CCDC107: variants seen among roughly 807,000 people sequenced by gnomAD.
CCDC107 encodes coiled-coil domain-containing protein 107.
A neutral mutation model predicts 17.9 loss-of-function variants in CCDC107; 17 were observed. That is an observed-to-expected ratio of 0.95 (90% CI 0.65 to 1.42). The LOEUF is 1.42. Among genes scored for constraint, CCDC107 ranks in the 40% most tolerant of loss-of-function variants. CCDC107 has a pLI of 0.00. For missense variants in CCDC107, 388 were observed against 360.1 expected (o/e 1.08, Z -0.63); for synonymous variants, 170 against 157.2 (o/e 1.08, Z -0.61).
chr9:35,661,438 C>A lies in CCDC107; in HGVS notation c.*251C>A. ...CAAAACTGAGACAGAAGGGTCTTTC[C>A]CAAAAAAAAGAAAAAAAACTTTACT... On this transcript the variant is annotated 3_prime_UTR_variant, in exon 5 of 5. Transcript: ENST00000426546. 6.7e-6 allele frequency: 3 copies of A among 448,668 alleles called. No homozygotes were observed. The highest frequency in any genetic ancestry group is 6.0e-5 in the South Asian group (1 of 16,614). The allele number at this position is 448,668 out of a possible 1,614,324, so 27.8% of individuals were successfully genotyped here.
At position 35,658,718 on chromosome 9, in the gene CCDC107, G is replaced by A. The variant is rs930516723; in HGVS notation, c.249G>A (p.Lys83=). 2.4e-5 allele frequency: 36 copies of A among 1,517,694 alleles called. No individual in the cohort carries two copies. Among genetic ancestry groups the A allele is most frequent in the Middle Eastern group, 2.1e-4 (1 of 4,732 alleles). 94.0% of individuals were successfully genotyped at this position (1,517,694 alleles called of 1,614,324 possible). A position where few individuals can be genotyped will look rare whatever the true frequency, so the allele number is the denominator to read the frequency against. ...TAAVAAFVLY[K]CLQGKDETAV... is the part of the protein sequence containing the mutation. ...CCGTCGCGGCTTTTGTGCTGTACAA[G>A]TGTTTGCAGGTACGGGGCGGCCGGG... The change falls in exon 2 of 5, where the codon AAG becomes AAA. Residue 83 remains lysine (K), a synonymous_variant. Coordinates refer to ENST00000426546, the MANE Select transcript of CCDC107 (RefSeq NM_174923.3).
rs781163461 is a variant in CCDC107 at position 35,661,175 on chromosome 9, T to G, written c.840T>G (p.Ser280Arg). 7 of 1,597,382 alleles carry G rather than the reference T, an allele frequency of 4.4e-6. No homozygotes were observed. The highest frequency in any genetic ancestry group is 6.0e-6 in the Non-Finnish European group (7 of 1,170,298). ...GTTAEGRLKQ[S>R]LFS is the part of the protein sequence containing the mutation. Reference sequence around the variant, plus strand: ...CAGCTGAAGGTCGACTAAAACAAAGTCTGTTTTCATGATGGAGTGCTCCTG... The same window carrying G: ...CAGCTGAAGGTCGACTAAAACAAAGGCTGTTTTCATGATGGAGTGCTCCTG... The change falls in exon 5 of 5, where the codon AGT becomes AGG. Residue 280 changes from serine (S) to arginine (R), a missense_variant. Coordinates refer to ENST00000426546, the MANE Select transcript of CCDC107 (RefSeq NM_174923.3).
chr9:35,660,413 A>C lies in CCDC107; in HGVS notation c.271A>C (p.Thr91Pro). Residue 91 changes from threonine to proline, a missense_variant, in exon 3 of 5, where the codon ACT becomes CCT. Thr to Pro is a conservative substitution (Grantham distance 38, BLOSUM62 -1). Coordinates refer to ENST00000426546, the MANE Select transcript of CCDC107 (RefSeq NM_174923.3). ...TCTTCCACAACAGGGGAAAGATGAA[A>C]CTGCGGTTCTCCACGAGGAGGCAAG... ...LYKCLQGKDE[T>P]AVLHEEASKQ... The C allele has an allele frequency of 1.9e-6, 3 of 1,605,208 alleles. No homozygotes were observed. Among genetic ancestry groups the C allele is most frequent in the Non-Finnish European group, 2.6e-6 (3 of 1,175,796 alleles).
rs1823673444 is a variant in CCDC107 at position 35,658,310 on chromosome 9, G to C, written c.-70G>C. 3.2e-6 allele frequency: 4 copies of C among 1,265,208 alleles called. No homozygotes were observed. Among genetic ancestry groups the C allele is most frequent in the South Asian group, 4.9e-5 (2 of 41,046 alleles). 78.4% of individuals were successfully genotyped at this position (1,265,208 alleles called of 1,614,324 possible). A position where few individuals can be genotyped will look rare whatever the true frequency, so the allele number is the denominator to read the frequency against. On this transcript the variant is annotated 5_prime_UTR_variant, in exon 1 of 5. Transcript: ENST00000426546. ...CCGGCCTGCTCGCGTGCGCGTGCGC[G>C]TTGGGGCGGCCGGCCAATGCCGGAC...
rs775608672 is a variant in CCDC107, at chr9:35,661,213, A to AT, written c.*27dup. 2.6e-6 allele frequency: 4 copies of AT among 1,549,400 alleles called. No individual in the cohort carries two copies. In the African/African-American group the frequency reaches 5.5e-5, roughly 21 times the overall value. On this transcript the variant is annotated 3_prime_UTR_variant, in exon 5 of 5. Transcript: ENST00000426546. ...TGGAGTGCTCCTGTGTGTTTTTTCG[A>AT]TCCTAGTTGGTTGTACACACCCATA...
chr9:35,660,658 C>CA lies in CCDC107; in HGVS notation c.410+13dup. Reference sequence around the variant, plus strand: ...CCCCCTTTTTGAGCGGTGAGGAGAGCAATGATTCTGTGAATTTTTGGGGAA... The same window carrying CA: ...CCCCCTTTTTGAGCGGTGAGGAGAGCAAATGATTCTGTGAATTTTTGGGGAA... On this transcript the variant is annotated intron_variant, in intron 4 of 4. Coordinates refer to ENST00000426546, the MANE Select transcript of CCDC107 (RefSeq NM_174923.3). The CA allele has an allele frequency of 6.2e-7, 1 of 1,614,066 alleles. No homozygotes were observed. Among genetic ancestry groups the CA allele is most frequent in the Non-Finnish European group, 8.5e-7 (1 of 1,179,952 alleles).
chr9:35,658,767 G>T, intron 2 of CCDC107, 40 bp downstream of exon 2: 1 of 1,319,730 alleles, frequency 7.6e-7, no homozygotes, highest in African/African-American at 1.5e-5. Flanking sequence ...CTGCAGGTGC[G>T]GGACCGCCGG....
chr9:35,661,351 C>T lies in CCDC107; in HGVS notation c.*164C>T, dbSNP rs1363155362. 3.7e-6 allele frequency: 2 copies of T among 545,560 alleles called. No homozygotes were observed. The highest frequency in any genetic ancestry group is 6.4e-6 in the Non-Finnish European group (2 of 314,718). The allele number at this position is 545,560 out of a possible 1,614,324, so 33.8% of individuals were successfully genotyped here. The stretch of plus-strand genomic sequence containing the variant: ...GATAGAGGGAGCTCCAGCTCTTTTC[C>T]TCGTATTCCTGAGGCCACCAGCATG... On this transcript the variant is annotated 3_prime_UTR_variant, in exon 5 of 5. Transcript: ENST00000426546.
rs561565130 is a variant in CCDC107 at position 35,658,415 on chromosome 9, G to A, written c.36G>A (p.Gly12=). The part of the protein sequence containing the change: ...AGAVSLLGVV[G]LLLVSALSGV... ...CAGTTTCGCTCTTGGGTGTGGTGGG[G>A]CTGCTGCTTGTGTCTGCGCTGTCCG... The change falls in exon 1 of 5, where the codon GGG becomes GGA. Residue 12 remains glycine (G), a synonymous_variant. Coordinates refer to ENST00000426546, the MANE Select transcript of CCDC107 (RefSeq NM_174923.3). The A allele has an allele frequency of 8.3e-6, 12 of 1,447,978 alleles. No homozygotes were observed. In the East Asian group the frequency reaches 3.2e-4, roughly 39 times the overall value. The allele number at this position is 1,447,978 out of a possible 1,614,324, so 89.7% of individuals were successfully genotyped here. A position where few individuals can be genotyped will look rare whatever the true frequency, so the allele number is the denominator to read the frequency against.
In CCDC107 at chr9:35,658,710, C is replaced by G; in HGVS notation, c.241C>G (p.Leu81Val). Residue 81 changes from leucine to valine, a missense_variant, in exon 2 of 5, where the codon CTG becomes GTG. Coordinates refer to ENST00000426546, the MANE Select transcript of CCDC107 (RefSeq NM_174923.3). Reference sequence around the variant, plus strand: ...CACCGCGGCCGTCGCGGCTTTTGTGCTGTACAAGTGTTTGCAGGTACGGGG... The same window carrying G: ...CACCGCGGCCGTCGCGGCTTTTGTGGTGTACAAGTGTTTGCAGGTACGGGG... ...LYTAAVAAFVLYKCLQGKDET... is the reference protein window; with the variant it reads ...LYTAAVAAFVVYKCLQGKDET... 1 of 1,558,240 alleles carries G rather than the reference C, an allele frequency of 6.4e-7. No individual in the cohort carries two copies. Among genetic ancestry groups the G allele is most frequent in the South Asian group, 1.1e-5 (1 of 87,454 alleles).
rs372621134 is a variant in CCDC107, at chr9:35,661,094, C to T, written c.759C>T (p.Cys253=). ...WEVGRGLRRR[C]SQAVAKGPSH... is the part of the protein sequence containing the mutation. ...TGGGGCGGGGACTACGGAGAAGGTGCAGCCAGGCTGTGGCAAAGGGCCCCA... is the reference window on the plus strand; with the variant it reads ...TGGGGCGGGGACTACGGAGAAGGTGTAGCCAGGCTGTGGCAAAGGGCCCCA... Residue 253 remains cysteine (C), a synonymous_variant, in exon 5 of 5, where the codon TGC becomes TGT. Coordinates refer to ENST00000426546, the MANE Select transcript of CCDC107 (RefSeq NM_174923.3). The T allele has an allele frequency of 1.2e-6, 2 of 1,614,022 alleles. No homozygotes were observed. The highest frequency in any genetic ancestry group is 2.7e-5 in the African/African-American group (2 of 74,924).
chr9:35,661,267 TTGAAGAGC>T lies in CCDC107; in HGVS notation c.*83_*90del. On this transcript the variant is annotated 3_prime_UTR_variant, in exon 5 of 5. Transcript: ENST00000426546. ...GGTGCCTAAGGACAACTGGGCCTTC[TTGAAGAGC>T]TGTCCTTATTAGGACAAAAAGAGGC... The T allele has an allele frequency of 1.0e-6, 1 of 992,996 alleles. No individual in the cohort carries two copies. Among genetic ancestry groups the T allele is most frequent in the Non-Finnish European group, 1.5e-6 (1 of 668,734 alleles). The allele number at this position is 992,996 out of a possible 1,614,324, so 61.5% of individuals were successfully genotyped here. A position where few individuals can be genotyped will look rare whatever the true frequency, so the allele number is the denominator to read the frequency against.
chr9:35,658,321 C>A lies in CCDC107; in HGVS notation c.-59C>A, dbSNP rs989147178. Reference sequence around the variant, plus strand: ...GCGTGCGCGTGCGCGTTGGGGCGGCCGGCCAATGCCGGACCGCTTCGGCAC... The same window carrying A: ...GCGTGCGCGTGCGCGTTGGGGCGGCAGGCCAATGCCGGACCGCTTCGGCAC... On this transcript the variant is annotated 5_prime_UTR_variant, in exon 1 of 5. Transcript: ENST00000426546. 43 of 1,284,106 alleles carry A rather than the reference C, an allele frequency of 3.3e-5. No homozygotes were observed. Among genetic ancestry groups the A allele is most frequent in the Non-Finnish European group, 4.0e-5 (41 of 1,012,456 alleles). The allele number at this position is 1,284,106 out of a possible 1,614,324, so 79.5% of individuals were successfully genotyped here. A position where few individuals can be genotyped will look rare whatever the true frequency, so the allele number is the denominator to read the frequency against.
intron 2 of CCDC107, chr9:35,659,190 C>T (rs892616126): frequency 6.5e-6 from 1 of 154,328 alleles, no homozygotes; most frequent in Admixed American, 6.5e-5. Flanking sequence ...TGTAAGTTGA[C>T]AGTACATTTT....
At position 35,661,067 on chromosome 9, in the gene CCDC107, G is replaced by A. The variant is rs766678660; in HGVS notation, c.732G>A (p.Glu244=). The A allele has an allele frequency of 9.3e-6, 15 of 1,614,074 alleles. No individual in the cohort carries two copies. In the South Asian group the frequency reaches 1.6e-4, roughly 18 times the overall value. ...CATGGAACCTAGCTACTTCCTGGGAGGTGGGGCGGGGACTACGGAGAAGGT... is the reference window on the plus strand; with the variant it reads ...CATGGAACCTAGCTACTTCCTGGGAAGTGGGGCGGGGACTACGGAGAAGGT... The part of the protein sequence containing the change: ...TETWNLATSW[E]VGRGLRRRCS... Residue 244 remains glutamate, a synonymous_variant, in exon 5 of 5, where the codon GAG becomes GAA. Coordinates refer to ENST00000426546, the MANE Select transcript of CCDC107 (RefSeq NM_174923.3).
Position 35,661,284 on chromosome 9 carries a change from T to C in CCDC107, c.*97T>C, listed in dbSNP as rs1587930196. 2.4e-6 allele frequency: 2 copies of C among 840,186 alleles called. No homozygotes were observed. Among genetic ancestry groups the C allele is most frequent in the Admixed American group, 2.9e-5 (1 of 34,386 alleles). 52.0% of individuals were successfully genotyped at this position (840,186 alleles called of 1,614,324 possible). A position where few individuals can be genotyped will look rare whatever the true frequency, so the allele number is the denominator to read the frequency against. On this transcript the variant is annotated 3_prime_UTR_variant, in exon 5 of 5. Transcript: ENST00000426546. ...GGGCCTTCTTGAAGAGCTGTCCTTA[T>C]TAGGACAAAAAGAGGCTGCCTTCCA...
In CCDC107 at chr9:35,658,457, C is replaced by A. The variant is rs1823690348; in HGVS notation, c.78C>A (p.Arg26=). The change falls in exon 1 of 5, where the codon CGC becomes CGA. Residue 26 remains arginine (R), a synonymous_variant. Coordinates refer to ENST00000426546, the MANE Select transcript of CCDC107 (RefSeq NM_174923.3). ...VSALSGVLGD[R]ANPDLRAHPG... ...CGCTGTCCGGGGTCCTAGGAGACCG[C>A]GCCAATCCCGACCTCCGGGCACACC... 1.4e-6 allele frequency: 2 copies of A among 1,474,258 alleles called. No individual in the cohort carries two copies. Among genetic ancestry groups the A allele is most frequent in the African/African-American group, 2.9e-5 (2 of 68,680 alleles). 91.3% of individuals were successfully genotyped at this position (1,474,258 alleles called of 1,614,324 possible).
chr9:35,660,146 C>A, intron 2 of CCDC107: 3 of 401,674 alleles, frequency 7.5e-6, no homozygotes, highest in South Asian at 7.0e-5. Flanking sequence ...CACTCAGCCA[C>A]CAGAGCTTTT....
In CCDC107 at chr9:35,658,904, G is replaced by T; in HGVS notation, c.258+177G>T. Reference sequence around the variant, plus strand: ...CCTTCCAATATTATGAGGTTATTTTGAGGATCCAGGGAGGTAACGGATGTG... The same window carrying T: ...CCTTCCAATATTATGAGGTTATTTTTAGGATCCAGGGAGGTAACGGATGTG... On this transcript the variant is annotated intron_variant, in intron 2 of 4. Coordinates refer to ENST00000426546, the MANE Select transcript of CCDC107 (RefSeq NM_174923.3). The T allele has an allele frequency of 8.9e-6, 4 of 449,720 alleles. No individual in the cohort carries two copies. In the East Asian group the frequency reaches 1.4e-4, roughly 16 times the overall value. 27.9% of individuals were successfully genotyped at this position (449,720 alleles called of 1,614,324 possible).
Sources: allele counts gnomAD v4.1 joint callset, GRCh38; gene constraint gnomAD v4.1.1; transcripts MANE v1.5; gene names NCBI Gene and HGNC (gene_info 2026-07-23, HGNC 2026-07-21).